The following UBE2H variants were observed in gnomAD, a reference collection of about 807,000 sequenced individuals.
UBE2H encodes the protein ubiquitin conjugating enzyme E2 H, also known as ubiquitin-conjugating enzyme E2 H.
In UBE2H, 3 loss-of-function variants were observed where a neutral mutation model predicts 29.0. That is an observed-to-expected ratio of 0.10 (90% CI 0.05 to 0.27). UBE2H has a LOEUF of 0.27. Ranked by LOEUF, UBE2H falls within the 10% of genes least tolerant of loss-of-function variation. UBE2H has a pLI of 1.00. For synonymous variants in UBE2H, 69 were observed against 82.9 expected, an observed-to-expected ratio of 0.83 and a Z score of 0.91; for missense variants, 68 against 228.2, an observed-to-expected ratio of 0.30 and a Z score of 4.52.
intron 5 of UBE2H, among the ~76,000 whole-genome samples, chr7:129,848,809 T>A (rs1805557567): frequency 6.6e-6 from 1 of 150,524 alleles, no homozygotes; most frequent in Non-Finnish European, 1.5e-5. Flanking sequence ...GTGGTGGGTA[T>A]CTACTATATG....
At chr7:129,852,953 C>T (rs562084125) in intron 5 of UBE2H, among the ~76,000 whole-genome samples, 8 of 152,222 alleles carry the variant, frequency 5.3e-5, no homozygotes, top group Admixed American at 4.6e-4. Flanking sequence ...CTCGAACTCC[C>T]GACCTAAGGT....
At chr7:129,864,299 C>T (rs1805855703) in intron 3 of UBE2H, among the ~76,000 whole-genome samples, 1 of 152,122 alleles carries the variant, frequency 6.6e-6, no homozygotes, top group South Asian at 2.1e-4. Context: ...GGAATGTTCT[C>T]AGGACTGTGT....
intron 5 of UBE2H, among the ~76,000 whole-genome samples, chr7:129,852,130 A>G (rs1805621573): frequency 6.6e-6 from 1 of 152,194 alleles, no homozygotes; most frequent in Non-Finnish European, 1.5e-5. Context: ...ATGAAGACAC[A>G]TACATGTATT....
chr7:129,934,997 G>C (rs554848482), intron 1 of UBE2H, among the ~76,000 whole-genome samples: 2 of 151,200 alleles, frequency 1.3e-5, no homozygotes, highest in Non-Finnish European at 2.9e-5. Flanking sequence ...ATATATGTGT[G>C]TGTATATGTG....
Position 129,952,839 on chromosome 7 carries a change from T to G in UBE2H, c.-284A>C. On this transcript the variant is annotated 5_prime_UTR_variant, in exon 1 of 7. Coordinates refer to ENST00000355621, the MANE Select transcript of UBE2H (RefSeq NM_003344.4). ...GGCGCTCCTCTGCGCCGCGCGACGC[T>G]CCCTCCTGCCTGCTGTGGCTCGCTC... 1 of 256,994 alleles carries G rather than the reference T, an allele frequency of 3.9e-6. No individual in the cohort carries two copies. Among genetic ancestry groups the G allele is most frequent in the Non-Finnish European group, 7.3e-6 (1 of 136,980 alleles). The allele number at this position is 256,994 out of a possible 1,614,324, so 15.9% of individuals were successfully genotyped here. A position where few individuals can be genotyped will look rare whatever the true frequency, so the allele number is the denominator to read the frequency against.
intron 1 of UBE2H, among the ~76,000 whole-genome samples, chr7:129,916,198 C>T (rs774607483): frequency 1.8e-4 from 27 of 152,106 alleles, no homozygotes; most frequent in Admixed American, 1.3e-4. Context: ...CAAAGTTTAA[C>T]CGGCATTATA....
At chr7:129,857,332 CTGA>C in intron 5 of UBE2H, 176 bp downstream of exon 5, 1 of 616,910 alleles carries the variant, frequency 1.6e-6, no homozygotes, top group Non-Finnish European at 2.8e-6. Context: ...CACAGCTAAA[CTGA>C]TATATTTGTA....
chr7:129,834,707 C>T lies in UBE2H; in HGVS notation c.*230G>A, dbSNP rs1240096019. The stretch of plus-strand genomic sequence containing the variant: ...GACTCATGAATGCATGCATTCAGAC[C>T]GCATATTGCTACCAAATGGAATGTG... On this transcript the variant is annotated 3_prime_UTR_variant, in exon 7 of 7. Transcript: ENST00000355621. 1.3e-5 allele frequency: 6 copies of T among 446,394 alleles called. No homozygotes were observed. Among genetic ancestry groups the T allele is most frequent in the Middle Eastern group, 6.7e-4 (1 of 1,500 alleles). The allele number at this position is 446,394 out of a possible 1,614,324, so 27.7% of individuals were successfully genotyped here.
intron 5 of UBE2H, 55 bp from the exon 6 acceptor site, chr7:129,839,390 C>A: frequency 1.2e-6 from 2 of 1,606,578 alleles, no homozygotes; most frequent in Non-Finnish European, 1.7e-6. Context: ...ACCTAAAATT[C>A]ACTTGCATTC....
At chr7:129,885,079 A>G (rs867169549) in intron 1 of UBE2H, among the ~76,000 whole-genome samples, 3 of 151,288 alleles carry the variant, frequency 2.0e-5, no homozygotes, top group African/African-American at 7.3e-5. Context: ...AAAAAAAGGC[A>G]AAAAACACAA....
At chr7:129,935,952 C>T (rs1166347626) in intron 1 of UBE2H, among the ~76,000 whole-genome samples, 1 of 152,098 alleles carries the variant, frequency 6.6e-6, no homozygotes, top group Non-Finnish European at 1.5e-5. Context: ...GCAACAAATG[C>T]TATTATTGCC....
intron 1 of UBE2H, among the ~76,000 whole-genome samples, chr7:129,898,813 CT>C (rs60318810): frequency 2.3e-4 from 34 of 145,822 alleles, no homozygotes; most frequent in Middle Eastern, 3.6e-3. Flanking sequence ...AGTTGCAGGC[CT>C]TTTTTTTTTT....
At chr7:129,890,543 C>T (rs377331352) in intron 1 of UBE2H, among the ~76,000 whole-genome samples, 4 of 152,046 alleles carry the variant, frequency 2.6e-5, no homozygotes, top group East Asian at 3.9e-4. Context: ...CCATGCATGG[C>T]TAATTTTTGT....
At chr7:129,907,185 C>A (rs571660569) in intron 1 of UBE2H, among the ~76,000 whole-genome samples, 1 of 152,084 alleles carries the variant, frequency 6.6e-6, no homozygotes, top group South Asian at 2.1e-4. Flanking sequence ...GTTTCCTACC[C>A]CATCATAGTT....
chr7:129,938,270 G>C (rs1204653272), intron 1 of UBE2H, among the ~76,000 whole-genome samples: 3 of 151,742 alleles, frequency 2.0e-5, no homozygotes, highest in African/African-American at 7.3e-5. Flanking sequence ...AAATTAGCTG[G>C]GCATGGTGGC....
At position 129,924,647 on chromosome 7, in the gene UBE2H, C is replaced by G. The variant is rs989847148; in HGVS notation, c.53+27856G>C. Among the ~76,000 whole-genome samples the G allele has an allele frequency of 2.1e-4, 32 of 151,274 alleles. 2 individuals are homozygous for G. The highest frequency in any genetic ancestry group is 3.4e-3 in the Middle Eastern group (1 of 294). On this transcript the variant is annotated intron_variant, in intron 1 of 6. Coordinates refer to ENST00000355621, the MANE Select transcript of UBE2H (RefSeq NM_003344.4). The stretch of plus-strand genomic sequence containing the variant: ...ACACACACACACACACACACACACA[C>G]AGAAAATAAGAGTTGCATGTATAAT...
chr7:129,912,045 G>A (rs1435013003), intron 1 of UBE2H, among the ~76,000 whole-genome samples: 3 of 152,178 alleles, frequency 2.0e-5, no homozygotes, highest in Non-Finnish European at 4.4e-5. Flanking sequence ...AGAGATGCAG[G>A]ACCAAGGTAG....
At chr7:129,950,590 A>G (rs1162861228) in intron 1 of UBE2H, among the ~76,000 whole-genome samples, 2 of 152,174 alleles carry the variant, frequency 1.3e-5, no homozygotes, top group Non-Finnish European at 2.9e-5. Flanking sequence ...ATGTCTATGT[A>G]CATAATTTGA....
chr7:129,836,508 T>G (rs920014838), intron 6 of UBE2H, among the ~76,000 whole-genome samples: 4 of 152,174 alleles, frequency 2.6e-5, no homozygotes, highest in African/African-American at 9.7e-5. Flanking sequence ...CTGCCAGCTA[T>G]GGCATAGGAG....
Sources: gnomAD v4.1 joint callset for allele counts (sites outside exome capture counted in the v4.1 genomes callset) on GRCh38, gnomAD v4.1.1 for gene constraint, MANE v1.5 for transcripts, NCBI Gene and HGNC (gene_info 2026-07-23, HGNC 2026-07-21) for gene names.